Variants in HFM1 observed in about 807,000 individuals in gnomAD.
HFM1 encodes the protein helicase for meiosis 1.
In HFM1, 169 loss-of-function variants were observed where a neutral mutation model predicts 192.1. The ratio of observed to expected loss-of-function variants is 0.88; its 90% CI spans 0.78 to 1.00. The LOEUF (loss-of-function observed/expected upper bound fraction) is 1.00, where lower values mean the gene tolerates loss of function less well. Among genes scored for constraint, HFM1 ranks in the 50% least tolerant of loss-of-function variants. HFM1 has a pLI of 0.00. For synonymous variants in HFM1, 525 were observed against 537.8 expected (o/e 0.98, Z 0.33); for missense variants, 1,661 against 1,668.0 (o/e 1.00, Z 0.07).
At chr1:91,307,142 C>A (rs1649725374) in intron 30 of HFM1, among the ~76,000 whole-genome samples, 1 of 151,956 alleles carries the variant, frequency 6.6e-6, no homozygotes, top group South Asian at 2.1e-4. Flanking sequence ...TTCTAAGAAC[C>A]AAATCTCAGC....
chr1:91,269,757 G>A (rs939609299), intron 34 of HFM1, among the ~76,000 whole-genome samples: 2 of 152,174 alleles, frequency 1.3e-5, no homozygotes, highest in Non-Finnish European at 2.9e-5. Context: ...AGAGTAGTCG[G>A]AATTTCAGCT....
intron 30 of HFM1, among the ~76,000 whole-genome samples, chr1:91,278,359 C>T (rs1329123888): frequency 1.3e-5 from 2 of 151,620 alleles, no homozygotes; most frequent in East Asian, 1.9e-4. Context: ...ACTAGTAGCA[C>T]GGGGAAGGAG....
intron 13 of HFM1, among the ~76,000 whole-genome samples, chr1:91,371,727 C>A (rs1660232250): frequency 6.7e-6 from 1 of 149,342 alleles, no homozygotes; most frequent in African/African-American, 2.5e-5. Context: ...GCAACAAAAG[C>A]CAAACTTGAC....
chr1:91,306,608 T>G (rs1649651017), intron 30 of HFM1, among the ~76,000 whole-genome samples: 1 of 152,176 alleles, frequency 6.6e-6, no homozygotes, highest in Admixed American at 6.5e-5. Context: ...CATTAAAGAC[T>G]TTTGGATCTA....
chr1:91,373,372 CCACTAAACAT>C (rs1660495625), intron 13 of HFM1, among the ~76,000 whole-genome samples: 1 of 152,030 alleles, frequency 6.6e-6, no homozygotes, highest in Admixed American at 6.6e-5. Flanking sequence ...CTGAGGTCTA[CCACTAAACAT>C]ATTTACTGAT....
chr1:91,284,287 A>G (rs1027629010), intron 30 of HFM1, among the ~76,000 whole-genome samples: 1 of 151,648 alleles, frequency 6.6e-6, no homozygotes, highest in African/African-American at 2.4e-5. Flanking sequence ...TTTGTTGCCC[A>G]GGCTGGAGTG....
At chr1:91,386,612 A>G (rs1662243134) in intron 4 of HFM1, among the ~76,000 whole-genome samples, 1 of 152,240 alleles carries the variant, frequency 6.6e-6, no homozygotes, top group Non-Finnish European at 1.5e-5. Flanking sequence ...AACAACAGAT[A>G]ACTAATGTTC....
chr1:91,276,157 C>G (rs1256567222), intron 32 of HFM1, among the ~76,000 whole-genome samples: 2 of 152,142 alleles, frequency 1.3e-5, no homozygotes, highest in Non-Finnish European at 2.9e-5. Flanking sequence ...CATTCTGGTG[C>G]CTGCCCCTCC....
At chr1:91,350,091 A>T (rs1394114628) in intron 18 of HFM1, among the ~76,000 whole-genome samples, 5 of 152,154 alleles carry the variant, frequency 3.3e-5, no homozygotes, top group Non-Finnish European at 7.4e-5. Context: ...GTTGAAATAT[A>T]AGTTTTTAAG....
chr1:91,328,384 G>C lies in HFM1; in HGVS notation c.2336-3618C>G. On this transcript the variant is annotated intron_variant, in intron 20 of 38. Transcript: ENST00000370425. ...GTCATCCCTCCTCTGTGTTGCCATGGGTATTCAAGGCCTGGCCAAACTAAT... is the reference window on the plus strand; with the variant it reads ...GTCATCCCTCCTCTGTGTTGCCATGCGTATTCAAGGCCTGGCCAAACTAAT... 7 of 1,578,596 alleles carry C rather than the reference G, an allele frequency of 4.4e-6. No homozygotes were observed. In the South Asian group the frequency reaches 8.4e-5, roughly 19 times the overall value.
rs572504536 is a variant in HFM1, at chr1:91,289,286, C to A, written c.3392-12224G>T. 1.5e-4 allele frequency among the ~76,000 whole-genome samples: 23 copies of A among 150,852 alleles called. No individual in the cohort carries two copies. In the East Asian group the frequency reaches 4.6e-3, roughly 30 times the overall value. The stretch of plus-strand genomic sequence containing the variant: ...ACGGGGCGGCGGGGCAGAGGCGCTC[C>A]CCACATCCCAGACGATGGGCGGCCG... On this transcript the variant is annotated intron_variant, in intron 30 of 38. Transcript: ENST00000370425.
At position 91,378,453 on chromosome 1, in the gene HFM1, A is replaced by G. The variant is rs1478785929; in HGVS notation, c.1186T>C (p.Trp396Arg). Reference protein sequence around the residue: ...PEKWDSMTRKWRDNSLVQLVR... With the variant: ...PEKWDSMTRKRRDNSLVQLVR... ...AGCTGAACCAAAGAGTTGTCTCTCC[A>G]TTTCCTAGTCATGCTATCCCATTTT... is the stretch of plus-strand genomic sequence containing the variant. Residue 396 changes from tryptophan (W) to arginine (R), a missense_variant, in exon 10 of 39, where the codon TGG (tryptophan) becomes CGG (arginine). Trp to Arg is a moderately radical substitution (Grantham distance 101). Transcript: ENST00000370425. The G allele has an allele frequency of 6.2e-7, 1 of 1,604,288 alleles. No homozygotes were observed. Among genetic ancestry groups the G allele is most frequent in the African/African-American group, 1.3e-5 (1 of 74,688 alleles).
At position 91,352,540 on chromosome 1, in the gene HFM1, A is replaced by G. The variant is rs750382272; in HGVS notation, c.1943T>C (p.Ile648Thr). The change falls in exon 16 of 39, where the codon ATT becomes ACT. Residue 648 changes from isoleucine (I) to threonine (T), a missense_variant. Coordinates refer to ENST00000370425, the MANE Select transcript of HFM1 (RefSeq NM_001017975.6). ...GLFEEYSETD[I>T]LQMIGRAGRP... ...ACCAGCTCTACCAATCATCTGTAGA[A>G]TATCTGTTTCACTGTACTCTTCAAA... 32 of 1,607,988 alleles carry G rather than the reference A, an allele frequency of 2.0e-5. No homozygotes were observed. The highest frequency in any genetic ancestry group is 2.7e-5 in the African/African-American group (2 of 74,742).
intron 25 of HFM1, 24 bp downstream of exon 25, chr1:91,319,054 T>C (rs964987014): frequency 1.3e-6 from 2 of 1,562,798 alleles, no homozygotes; most frequent in African/African-American, 1.4e-5. Flanking sequence ...ATGGCCAAAC[T>C]GCCTGCCTGT....
At chr1:91,364,632 A>ATATATATATTT (rs753472335) in intron 13 of HFM1, among the ~76,000 whole-genome samples, 8 of 66,780 alleles carry the variant, frequency 1.2e-4, no homozygotes, top group East Asian at 1.0e-3. Context: ...ATATATATAT[A>ATATATATATTT]TTTTTTTTTT....
At chr1:91,372,361 G>A (rs539433051) in intron 13 of HFM1, among the ~76,000 whole-genome samples, 3 of 152,140 alleles carry the variant, frequency 2.0e-5, no homozygotes, top group African/African-American at 7.2e-5. Flanking sequence ...ATGATAGACT[G>A]GATTAAGAAA....
intron 30 of HFM1, among the ~76,000 whole-genome samples, chr1:91,295,631 A>G (rs965268025): frequency 2.0e-5 from 3 of 152,232 alleles, no homozygotes; most frequent in South Asian, 2.1e-4. Context: ...AATTCAGCCC[A>G]TAACAGCCAG....
intron 30 of HFM1, among the ~76,000 whole-genome samples, chr1:91,296,956 G>A (rs1046422446): frequency 1.3e-5 from 2 of 152,324 alleles, no homozygotes; most frequent in Non-Finnish European, 2.9e-5. Flanking sequence ...AGGACAGTGG[G>A]TGCAGTGCAC....
rs545326209 is a variant in HFM1 at position 91,395,310 on chromosome 1, C to T, written c.185-908G>A. ...AGCAGTGATAGGAGTTTAATAGTCA[C>T]AGAAAAAATATTCATAAAACAAAAA... is the stretch of plus-strand genomic sequence containing the variant. On this transcript the variant is annotated intron_variant, in intron 3 of 38. Transcript: ENST00000370425. Among the ~76,000 whole-genome samples, 8 of 151,868 alleles carry T rather than the reference C, an allele frequency of 5.3e-5. No homozygotes were observed. In the East Asian group the frequency reaches 5.8e-4, roughly 11 times the overall value.
Sources: gnomAD v4.1 joint callset for allele counts (sites outside exome capture counted in the v4.1 genomes callset) on GRCh38, gnomAD v4.1.1 for gene constraint, MANE v1.5 for transcripts, NCBI Gene and HGNC (gene_info 2026-07-23, HGNC 2026-07-21) for gene names.